The following MID1 variants were observed in gnomAD, a reference collection of about 807,000 sequenced individuals.
MID1 encodes E3 ubiquitin-protein ligase Midline-1.
MID1 carries 7 observed loss-of-function variants against 40.4 expected under a neutral mutation model. That is an observed-to-expected ratio of 0.17 (90% CI 0.10 to 0.33). The LOEUF (loss-of-function observed/expected upper bound fraction) is 0.33, where lower values mean the gene tolerates loss of function less well. Among genes scored for constraint, MID1 ranks in the 10% least tolerant of loss-of-function variants. The pLI, the probability that MID1 is intolerant of heterozygous loss-of-function variation, is 1.00. For synonymous variants in MID1, 229 were observed against 221.2 expected (o/e 1.04, Z -0.31); for missense variants, 367 against 558.5 (o/e 0.66, Z 3.46).
rs772436196 is a variant in MID1, at chrX:10,511,361, A to G, written c.756+11731T>C. ...ATGAACTATTAACATACAAACAAAT[A>G]TTTCAGTCCCAAGTTGTAATATATA... On this transcript the variant is annotated intron_variant, in intron 3 of 9. Coordinates refer to ENST00000317552, the MANE Select transcript of MID1 (RefSeq NM_000381.4). 4.3e-4 allele frequency among the ~76,000 whole-genome samples: 48 copies of G among 111,291 alleles called. 1 individual carries two copies. Among genetic ancestry groups the G allele is most frequent in the Admixed American group, 4.0e-3 (42 of 10,427 alleles).
At chrX:10,584,488 A>C (rs977772385) in intron 1 of MID1, among the ~76,000 whole-genome samples, 2 of 111,920 alleles carry the variant, frequency 1.8e-5, no homozygotes, top group Non-Finnish European at 3.8e-5. Flanking sequence ...CACCACTGGA[A>C]GAGGAAATTT....
intron 1 of MID1, among the ~76,000 whole-genome samples, chrX:10,676,727 G>T (rs755210205): frequency 2.7e-4 from 30 of 111,369 alleles, no homozygotes; most frequent in Non-Finnish European, 4.9e-4. Context: ...CTCTCCTGGG[G>T]AGCTAGGAGG....
intron 7 of MID1, among the ~76,000 whole-genome samples, chrX:10,465,362 C>A (rs1929330768): frequency 2.8e-5 from 3 of 106,907 alleles, no homozygotes; most frequent in African/African-American, 1.0e-4. Flanking sequence ...ATTCCAACTC[C>A]CTGGTATTCA....
intron 1 of MID1, among the ~76,000 whole-genome samples, chrX:10,685,680 C>T (rs777268944): frequency 1.4e-4 from 16 of 111,465 alleles, no homozygotes; most frequent in South Asian, 3.8e-4. Flanking sequence ...TGTTTCTACA[C>T]GCTGTCCGTG....
chrX:10,509,628 C>T (rs1293315202), intron 3 of MID1, among the ~76,000 whole-genome samples: 2 of 111,635 alleles, frequency 1.8e-5, no homozygotes, highest in Admixed American at 1.9e-4. Context: ...TGGGAGGGAG[C>T]TCCTTGTGTG....
In MID1 at chrX:10,446,402, T is replaced by TA. The variant is rs1449070137; in HGVS notation, c.*2965dup. On this transcript the variant is annotated 3_prime_UTR_variant, in exon 10 of 10. Coordinates refer to ENST00000317552, the MANE Select transcript of MID1 (RefSeq NM_000381.4). Reference sequence around the variant, plus strand: ...TAAGGTCAATATATCAGTACCGTAATAAAAAAGCCTGTCTGTATTCAAGCT... The same window carrying TA: ...TAAGGTCAATATATCAGTACCGTAATAAAAAAAGCCTGTCTGTATTCAAGCT... 1.8e-5 allele frequency: 2 copies of TA among 112,017 alleles called. No individual in the cohort carries two copies. Among genetic ancestry groups the TA allele is most frequent in the Non-Finnish European group, 3.8e-5 (2 of 53,250 alleles). The allele number at this position is 112,017 out of a possible 1,213,427, so 9.2% of individuals were successfully genotyped here. A position where few individuals can be genotyped will look rare whatever the true frequency, so the allele number is the denominator to read the frequency against.
intron 1 of MID1, among the ~76,000 whole-genome samples, chrX:10,830,253 T>C (rs999542057): frequency 2.7e-5 from 3 of 112,521 alleles, no homozygotes; most frequent in Non-Finnish European, 5.6e-5. Flanking sequence ...AGAGAACGAT[T>C]AGCAAAAGAG....
intron 1 of MID1, among the ~76,000 whole-genome samples, chrX:10,728,443 G>A (rs896821373): frequency 4.5e-5 from 5 of 111,800 alleles, no homozygotes; most frequent in Admixed American, 9.5e-5. Flanking sequence ...CTTTTCCCCC[G>A]CTCCTGCAGG....
At chrX:10,473,417 G>A (rs1340980860) in intron 6 of MID1, among the ~76,000 whole-genome samples, 3 of 112,138 alleles carry the variant, frequency 2.7e-5, no homozygotes, top group African/African-American at 9.7e-5. Flanking sequence ...AGAAGTTTGT[G>A]GAATGCCTGC....
chrX:10,710,141 C>A (rs946881199), intron 1 of MID1, among the ~76,000 whole-genome samples: 4 of 111,191 alleles, frequency 3.6e-5, no homozygotes, highest in African/African-American at 1.3e-4. Flanking sequence ...TTGTTGCTGG[C>A]AATGAGAGAA....
At chrX:10,621,000 C>A (rs1935927547), upstream of MID1, among the ~76,000 whole-genome samples, 1 of 111,882 alleles carries the variant, frequency 8.9e-6, no homozygotes, top group Non-Finnish European at 1.9e-5. Flanking sequence ...AACACCTTAA[C>A]TAAAACGAAC....
Position 10,821,971 on chromosome X carries a change from C to T in MID1, c.-187+11583G>A, listed in dbSNP as rs551955040. ...GTAGGTTTTTGTTGCTTTGGGACCT[C>T]CCTTCCTCTAACATCTCTTGCTGAT... is the stretch of plus-strand genomic sequence containing the variant. On this transcript the variant is annotated intron_variant, in intron 1 of 10. Transcript: ENST00000380785. Among the ~76,000 whole-genome samples, 41 of 111,117 alleles carry T rather than the reference C, an allele frequency of 3.7e-4. No homozygotes were observed. The Middle Eastern group carries it at 0.014, about 38-fold the overall frequency.
At chrX:10,507,138 C>T (rs906786181) in intron 3 of MID1, among the ~76,000 whole-genome samples, 1 of 111,183 alleles carries the variant, frequency 9.0e-6, no homozygotes, top group East Asian at 2.8e-4. Flanking sequence ...GTGTCCCTCT[C>T]TCTCCCTACC....
chrX:10,448,432 A>G lies in MID1; in HGVS notation c.*936T>C, dbSNP rs1167142910. 9.0e-6 allele frequency: 1 copy of G among 111,271 alleles called. No homozygotes were observed. The highest frequency in any genetic ancestry group is 9.6e-5 in the Admixed American group (1 of 10,457). The allele number at this position is 111,271 out of a possible 1,213,427, so 9.2% of individuals were successfully genotyped here. A position where few individuals can be genotyped will look rare whatever the true frequency, so the allele number is the denominator to read the frequency against. Reference sequence around the variant, plus strand: ...ACTCAGCCCCGGAGACAAAAGGAAAATTGATATGGGGGAGCGGGAAATAGG... The same window carrying G: ...ACTCAGCCCCGGAGACAAAAGGAAAGTTGATATGGGGGAGCGGGAAATAGG... On this transcript the variant is annotated 3_prime_UTR_variant, in exon 10 of 10. Coordinates refer to ENST00000317552, the MANE Select transcript of MID1 (RefSeq NM_000381.4).
chrX:10,491,651 CA>C lies in MID1; in HGVS notation c.864+3932del, dbSNP rs774565093. Among the ~76,000 whole-genome samples the C allele has an allele frequency of 5.4e-5, 6 of 111,703 alleles. No homozygotes were observed. The East Asian group carries it at 1.7e-3, about 31-fold the overall frequency. On this transcript the variant is annotated intron_variant, in intron 4 of 9. Transcript: ENST00000317552. ...GTTCTTTTACTGTGGTTTACTTCTA[CA>C]TTTAAAAAATATTACTGTGAAGATA...
chrX:10,617,086 G>A (rs377143049), intron 1 of MID1, among the ~76,000 whole-genome samples: 3 of 112,037 alleles, frequency 2.7e-5, no homozygotes, highest in African/African-American at 9.7e-5. Flanking sequence ...AAAGAATGTC[G>A]TAAGAGAGAT....
chrX:10,675,113 T>C (rs1602510667), intron 1 of MID1, among the ~76,000 whole-genome samples: 1 of 112,418 alleles, frequency 8.9e-6, no homozygotes, highest in African/African-American at 3.2e-5. Flanking sequence ...GACTGTAGAA[T>C]TAAGTAAACT....
intron 2 of MID1, among the ~76,000 whole-genome samples, chrX:10,534,090 C>T (rs928584041): frequency 2.7e-5 from 3 of 110,012 alleles, no homozygotes; most frequent in African/African-American, 9.9e-5. Context: ...TCTATAAAAT[C>T]CCCTGATACT....
chrX:10,817,011 G>A (rs756646240), intron 1 of MID1, among the ~76,000 whole-genome samples: 104 of 111,895 alleles, frequency 9.3e-4, no homozygotes, highest in Non-Finnish European at 7.0e-4. Flanking sequence ...TCCAAATTCC[G>A]ACATTCAGGT....
Sources: allele counts gnomAD v4.1 joint callset (sites outside exome capture counted in the v4.1 genomes callset), GRCh38; gene constraint gnomAD v4.1.1; transcripts MANE v1.5; gene names NCBI Gene and HGNC (gene_info 2026-07-23, HGNC 2026-07-21).